Variants in EPHA6 observed in about 807,000 individuals in gnomAD.
EPHA6 encodes EPH receptor A6, also known as ephrin type-A receptor 6.
EPHA6 carries 50 observed loss-of-function variants against 112.0 expected under a neutral mutation model. The observed-to-expected ratio is 0.45, with a 90% CI of 0.36 to 0.56. The LOEUF (loss-of-function observed/expected upper bound fraction) is 0.56, where lower values mean the gene tolerates loss of function less well. EPHA6 is among the 20% of genes least tolerant of loss of function. The pLI, the probability that EPHA6 is intolerant of heterozygous loss-of-function variation, is 0.00. For synonymous variants in EPHA6, 529 were observed against 490.7 expected, an observed-to-expected ratio of 1.08 and a Z score of -1.03; for missense variants, 1,280 against 1,417.4, an observed-to-expected ratio of 0.90 and a Z score of 1.56.
chr3:97,564,638 A>AT (rs202108006), intron 11 of EPHA6, among the ~76,000 whole-genome samples: 64 of 151,558 alleles, frequency 4.2e-4, no homozygotes, highest in African/African-American at 1.4e-3. Flanking sequence ...GCCATCCAAC[A>AT]TTTTTTTTTC....
At chr3:97,099,806 G>A (rs2047350847) in intron 3 of EPHA6, among the ~76,000 whole-genome samples, 1 of 151,946 alleles carries the variant, frequency 6.6e-6, no homozygotes, top group Non-Finnish European at 1.5e-5. Context: ...CCTAGATCCT[G>A]AATGATCATA....
chr3:97,423,683 C>CA (rs1388028244), intron 6 of EPHA6, among the ~76,000 whole-genome samples: 4 of 151,956 alleles, frequency 2.6e-5, no homozygotes, highest in South Asian at 2.1e-4. Flanking sequence ...AAAAAGAGAC[C>CA]AAATAGCCAT....
intron 6 of EPHA6, among the ~76,000 whole-genome samples, chr3:97,427,207 T>G (rs1391168214): frequency 6.6e-6 from 1 of 152,218 alleles, no homozygotes; most frequent in African/African-American, 2.4e-5. Context: ...CCCAAAGGAA[T>G]ATATGTCATT....
chr3:96,919,550 T>C (rs2039655642), intron 2 of EPHA6, among the ~76,000 whole-genome samples: 1 of 151,852 alleles, frequency 6.6e-6, no homozygotes, highest in African/African-American at 2.4e-5. Flanking sequence ...TTTTTATATT[T>C]ATGTCTATTT....
intron 14 of EPHA6, among the ~76,000 whole-genome samples, chr3:97,644,526 A>T (rs2094040368): frequency 1.3e-5 from 2 of 152,146 alleles, no homozygotes; most frequent in South Asian, 4.1e-4. Flanking sequence ...GATCAACAAA[A>T]TTGATAGACC....
intron 2 of EPHA6, among the ~76,000 whole-genome samples, chr3:96,947,630 A>G (rs2041336122): frequency 6.6e-6 from 1 of 152,196 alleles, no homozygotes; most frequent in Admixed American, 6.6e-5. Flanking sequence ...CCAAATCATG[A>G]GTGAACTCCC....
chr3:97,206,168 C>CT lies in EPHA6; in HGVS notation c.1115-20090dup, dbSNP rs996436209. Reference sequence around the variant, plus strand: ...TAAGTTGTTTATCTTTACAATGCCACTTTTTTCTGTTCTCACCTTCATCGT... The same window carrying CT: ...TAAGTTGTTTATCTTTACAATGCCACTTTTTTTCTGTTCTCACCTTCATCGT... On this transcript the variant is annotated intron_variant, in intron 3 of 17. Coordinates refer to ENST00000389672, the MANE Select transcript of EPHA6 (RefSeq NM_001080448.3). 5.3e-5 allele frequency among the ~76,000 whole-genome samples: 8 copies of CT among 152,142 alleles called. No homozygotes were observed. In the East Asian group the frequency reaches 1.2e-3, roughly 22 times the overall value.
chr3:96,946,631 A>T (rs904204028), intron 2 of EPHA6, among the ~76,000 whole-genome samples: 1 of 152,138 alleles, frequency 6.6e-6, no homozygotes, highest in Non-Finnish European at 1.5e-5. Flanking sequence ...GCCGCAATAA[A>T]CATACGTGTG....
chr3:97,296,348 G>C (rs556373412), intron 5 of EPHA6, among the ~76,000 whole-genome samples: 101 of 152,292 alleles, frequency 6.6e-4, no homozygotes, highest in African/African-American at 2.3e-3. Flanking sequence ...CTCAGGAACT[G>C]GGATGGGGGC....
At chr3:97,748,157 A>G (rs771029629) in intron 17 of EPHA6, among the ~76,000 whole-genome samples, 3 of 152,126 alleles carry the variant, frequency 2.0e-5, no homozygotes, top group Non-Finnish European at 4.4e-5. Context: ...ATCCATGAGA[A>G]ATCAAACGGA....
At chr3:97,353,752 T>C (rs1306103432) in intron 5 of EPHA6, among the ~76,000 whole-genome samples, 1 of 152,144 alleles carries the variant, frequency 6.6e-6, no homozygotes, top group Non-Finnish European at 1.5e-5. Flanking sequence ...ATCTGCTTAC[T>C]GAAGAGCCCT....
chr3:97,409,390 ATGTTTG>A (rs2087563459), intron 6 of EPHA6, among the ~76,000 whole-genome samples: 1 of 152,090 alleles, frequency 6.6e-6, no homozygotes, highest in Non-Finnish European at 1.5e-5. Flanking sequence ...CTAACAACAT[ATGTTTG>A]AGGAAAATGT....
chr3:97,424,612 T>C (rs2088949299), intron 6 of EPHA6, among the ~76,000 whole-genome samples: 1 of 151,954 alleles, frequency 6.6e-6, no homozygotes, highest in East Asian at 1.9e-4. Flanking sequence ...AAGACCAGCC[T>C]GGCCAACATA....
intron 1 of EPHA6, among the ~76,000 whole-genome samples, chr3:96,838,245 T>C (rs147986758): frequency 2.6e-5 from 4 of 152,250 alleles, no homozygotes; most frequent in African/African-American, 4.8e-5. Context: ...CTTTTTATGG[T>C]TGCATAGTAT....
At chr3:97,458,461 G>A (rs1321536584) in intron 7 of EPHA6, among the ~76,000 whole-genome samples, 2 of 152,006 alleles carry the variant, frequency 1.3e-5, no homozygotes, top group African/African-American at 4.8e-5. Flanking sequence ...AAATAACTTT[G>A]TCAACAAATA....
At chr3:96,826,962 T>C (rs929258755) in intron 1 of EPHA6, among the ~76,000 whole-genome samples, 3 of 152,156 alleles carry the variant, frequency 2.0e-5, no homozygotes, top group Non-Finnish European at 2.9e-5. Flanking sequence ...ATGGAACTTA[T>C]TCCTAAGTGG....
chr3:97,069,929 G>A (rs1029345282), intron 3 of EPHA6, among the ~76,000 whole-genome samples: 53 of 152,216 alleles, frequency 3.5e-4, no homozygotes, highest in African/African-American at 1.3e-3. Context: ...TGTTTAAGGA[G>A]TGGGACTGGC....
chr3:97,182,532 C>A (rs572958800), intron 3 of EPHA6, among the ~76,000 whole-genome samples: 1 of 151,972 alleles, frequency 6.6e-6, no homozygotes, highest in Non-Finnish European at 1.5e-5. Context: ...GTTAACATAT[C>A]ATAGTTTTTC....
In EPHA6 at chr3:97,749,828, T is replaced by C. The variant is rs2035851622; in HGVS notation, c.*1127T>C. 6.6e-6 allele frequency among the ~76,000 whole-genome samples: 1 copy of C among 152,144 alleles called. No individual in the cohort carries two copies. Among genetic ancestry groups the C allele is most frequent in the Non-Finnish European group, 1.5e-5 (1 of 68,028 alleles). The stretch of plus-strand genomic sequence containing the variant: ...CGTTCTTATGTTTTCTTTGCAAAAA[T>C]AGTTACATGAACATGCTGAGCTCTT... On this transcript the variant is annotated 3_prime_UTR_variant, in exon 18 of 18. Transcript: ENST00000389672.
Sources: allele counts gnomAD v4.1 joint callset (sites outside exome capture counted in the v4.1 genomes callset), GRCh38; gene constraint gnomAD v4.1.1; transcripts MANE v1.5; gene names NCBI Gene and HGNC (gene_info 2026-07-23, HGNC 2026-07-21).